The following ST7 variants were observed in gnomAD, a reference collection of about 807,000 sequenced individuals.
The protein encoded by ST7 is suppression of tumorigenicity 7.
In ST7, 28 loss-of-function variants were observed where a neutral mutation model predicts 78.7. The observed-to-expected ratio is 0.36, with a 90% CI of 0.26 to 0.49. The LOEUF (loss-of-function observed/expected upper bound fraction) is 0.49, where lower values mean the gene tolerates loss of function less well. ST7 is among the 20% of genes least tolerant of loss of function. The pLI is 0.99. For missense variants in ST7, 418 were observed against 696.0 expected (o/e 0.60, Z 4.49); for synonymous variants, 247 against 249.6 (o/e 0.99, Z 0.10).
chr7:116,997,635 G>T (rs139730813), intron 1 of ST7, among the ~76,000 whole-genome samples: 17,004 of 148,736 alleles, frequency 0.11, 1,131 homozygotes, highest in East Asian at 0.28. Context: ...CACTAGATTA[G>T]CTAGACACAG....
At chr7:116,975,165 AAGGCATGTCTTACATGGTAGC>A (rs1348405267) in intron 1 of ST7, among the ~76,000 whole-genome samples, 1 of 152,140 alleles carries the variant, frequency 6.6e-6, no homozygotes, top group Non-Finnish European at 1.5e-5. Context: ...AGGAGGAGCA[AAGGCATGTCTTACATGGTAGC>A]AGGCAAGAGA....
chr7:117,124,066 T>C (rs1803622561), intron 3 of ST7, among the ~76,000 whole-genome samples: 1 of 152,082 alleles, frequency 6.6e-6, no homozygotes, highest in African/African-American at 2.4e-5. Context: ...GAATTAAATT[T>C]TATTACATGG....
chr7:117,114,748 A>G (rs1802721369), intron 2 of ST7, among the ~76,000 whole-genome samples: 1 of 152,222 alleles, frequency 6.6e-6, no homozygotes, highest in Non-Finnish European at 1.5e-5. Context: ...TGTATAGAAT[A>G]TGCAATTCAA....
intron 1 of ST7, chr7:116,959,096 C>A: frequency 4.5e-6 from 2 of 444,108 alleles, no homozygotes; most frequent in Non-Finnish European, 9.0e-6. Flanking sequence ...TATCACCCTG[C>A]CACGGCTTTA....
chr7:116,989,525 T>C (rs1425503937), intron 1 of ST7, among the ~76,000 whole-genome samples: 2 of 152,050 alleles, frequency 1.3e-5, no homozygotes, highest in Non-Finnish European at 2.9e-5. Context: ...TTTTTTTTTT[T>C]GTTTTGTTGG....
chr7:117,000,622 G>T (rs1794894392), intron 1 of ST7, among the ~76,000 whole-genome samples: 1 of 152,210 alleles, frequency 6.6e-6, no homozygotes, highest in South Asian at 2.1e-4. Context: ...GTCTATCAAA[G>T]TAATTGCATT....
intron 2 of ST7, among the ~76,000 whole-genome samples, chr7:117,100,243 G>A (rs559238540): frequency 5.9e-5 from 9 of 152,172 alleles, no homozygotes; most frequent in African/African-American, 1.9e-4. Context: ...AGGCGAAGGC[G>A]GGCAGATCAC....
intron 1 of ST7, among the ~76,000 whole-genome samples, chr7:117,081,577 G>T (rs1404395564): frequency 6.6e-6 from 1 of 151,964 alleles, no homozygotes; most frequent in Non-Finnish European, 1.5e-5. Flanking sequence ...TGATTTTTAT[G>T]ACTTCAATGA....
intron 1 of ST7, among the ~76,000 whole-genome samples, chr7:116,957,751 C>T (rs1056522331): frequency 6.6e-6 from 1 of 152,150 alleles, no homozygotes; most frequent in African/African-American, 2.4e-5. Flanking sequence ...AGTACCATAA[C>T]TTATACAGTG....
chr7:116,979,273 G>A (rs1309836953), intron 1 of ST7, among the ~76,000 whole-genome samples: 1 of 152,234 alleles, frequency 6.6e-6, no homozygotes, highest in African/African-American at 2.4e-5. Context: ...ACTAGCAGAA[G>A]ACATTTTCTC....
chr7:117,183,690 ACTGT>A (rs1376580506), intron 10 of ST7, among the ~76,000 whole-genome samples: 6 of 152,204 alleles, frequency 3.9e-5, no homozygotes, highest in Non-Finnish European at 8.8e-5. Flanking sequence ...ACTTTGGAAC[ACTGT>A]CTAACAGTTT....
chr7:117,084,666 T>C (rs1424822217), intron 1 of ST7, among the ~76,000 whole-genome samples: 2 of 152,184 alleles, frequency 1.3e-5, no homozygotes, highest in African/African-American at 2.4e-5. Flanking sequence ...TAAGACACCA[T>C]GTAAAGCATT....
At chr7:117,103,143 T>C (rs1364139074) in intron 2 of ST7, among the ~76,000 whole-genome samples, 1 of 152,104 alleles carries the variant, frequency 6.6e-6, no homozygotes, top group Non-Finnish European at 1.5e-5. Flanking sequence ...ATCATCAAAA[T>C]GACAATACTC....
intron 9 of ST7, among the ~76,000 whole-genome samples, chr7:117,141,655 T>C (rs1002194869): frequency 7.2e-5 from 11 of 151,890 alleles, no homozygotes; most frequent in Non-Finnish European, 1.3e-4. Context: ...TTTTCTTTCT[T>C]TCTTTTTCTT....
chr7:117,003,933 C>T (rs1795048856), intron 1 of ST7, among the ~76,000 whole-genome samples: 1 of 152,158 alleles, frequency 6.6e-6, no homozygotes, highest in Non-Finnish European at 1.5e-5. Context: ...CTTCATTTTT[C>T]ATTGTCTCTA....
intron 1 of ST7, among the ~76,000 whole-genome samples, chr7:117,001,688 A>T (rs1366605679): frequency 1.3e-5 from 2 of 152,196 alleles, no homozygotes; most frequent in African/African-American, 4.8e-5. Flanking sequence ...TAGTGTTATT[A>T]TCTTTTTTTG....
chr7:117,015,600 T>C (rs1399171439), intron 1 of ST7, among the ~76,000 whole-genome samples: 1 of 152,156 alleles, frequency 6.6e-6, no homozygotes, highest in Non-Finnish European at 1.5e-5. Context: ...GAATGGTAAA[T>C]TGGTACATGT....
intron 2 of ST7, among the ~76,000 whole-genome samples, chr7:117,112,980 T>C (rs1229222919): frequency 6.6e-6 from 1 of 152,226 alleles, no homozygotes; most frequent in Non-Finnish European, 1.5e-5. Context: ...GTGGACTGAT[T>C]GTGGATTTCA....
intron 1 of ST7, among the ~76,000 whole-genome samples, chr7:117,065,832 T>G (rs918754252): frequency 6.6e-6 from 1 of 152,164 alleles, no homozygotes; most frequent in Non-Finnish European, 1.5e-5. Context: ...TAGAATAAAA[T>G]CCAAAGTACT....
Sources: gnomAD v4.1 joint callset for allele counts (sites outside exome capture counted in the v4.1 genomes callset) on GRCh38, gnomAD v4.1.1 for gene constraint, MANE v1.5 for transcripts, NCBI Gene and HGNC (gene_info 2026-07-23, HGNC 2026-07-21) for gene names.